FBXO25: variants seen among roughly 807,000 people sequenced by gnomAD.
The protein encoded by FBXO25 is F-box protein 25, also known as F-box only protein 25.
FBXO25 carries 45 observed loss-of-function variants against 51.9 expected under a neutral mutation model. The ratio of observed to expected loss-of-function variants is 0.87; its 90% CI spans 0.68 to 1.11. The LOEUF (loss-of-function observed/expected upper bound fraction) is 1.11. Ranked by LOEUF, FBXO25 falls within the 50% of genes most tolerant of loss-of-function variation. The probability of loss-of-function intolerance (pLI) is 0.00; values close to 1 mark genes in which losing one functional copy is unlikely to be tolerated. For synonymous variants in FBXO25, 199 were observed against 151.0 expected, an observed-to-expected ratio of 1.32 and a Z score of -2.33; for missense variants, 507 against 428.5, an observed-to-expected ratio of 1.18 and a Z score of -1.62.
intron 5 of FBXO25, among the ~76,000 whole-genome samples, chr8:436,161 CA>C (rs1331231137): frequency 2.0e-5 from 3 of 152,176 alleles, no homozygotes; most frequent in African/African-American, 7.2e-5. Flanking sequence ...TAGAATTCCA[CA>C]AAAGCCTTAT....
At chr8:467,639 G>C (rs1800260468) in intron 9 of FBXO25, 1 of 1,380,662 alleles carries the variant, frequency 7.2e-7, no homozygotes, top group Non-Finnish European at 1.0e-6. Context: ...GATACACTCT[G>C]GCTCTTTCTA....
At chr8:461,641 A>G (rs1281105732) in intron 8 of FBXO25, among the ~76,000 whole-genome samples, 1 of 151,960 alleles carries the variant, frequency 6.6e-6, no homozygotes, top group African/African-American at 2.4e-5. Flanking sequence ...CTCAGGAAAA[A>G]CAAAACAAAA....
intron 7 of FBXO25, among the ~76,000 whole-genome samples, chr8:453,681 G>A (rs1799237876): frequency 6.6e-6 from 1 of 152,138 alleles, no homozygotes; most frequent in South Asian, 2.1e-4. Flanking sequence ...TTAGAACAGA[G>A]CAGCTGAGAG....
chr8:468,724 C>A lies in FBXO25; in HGVS notation c.997C>A (p.His333Asn). 1 of 1,613,928 alleles carries A rather than the reference C, an allele frequency of 6.2e-7. No homozygotes were observed. Among genetic ancestry groups the A allele is most frequent in the Non-Finnish European group, 8.5e-7 (1 of 1,179,920 alleles). ...TCCCACCTCCCCACAGGACTCAGGA[C>A]ACCCCTGCACGGCGGCCGACCCTGA... ...CSILFWKDSGHPCTAADPDSC... is the reference protein window; with the variant it reads ...CSILFWKDSGNPCTAADPDSC... The change falls in exon 10 of 10, where the codon CAC becomes AAC. Residue 333 changes from histidine (H) to asparagine (N), a missense_variant. By Grantham distance (68) the His-to-Asn change is moderately conservative. Coordinates refer to ENST00000350302, the MANE Select transcript of FBXO25 (RefSeq NM_183420.2).
intron 1 of FBXO25, among the ~76,000 whole-genome samples, chr8:408,205 C>T (rs115348862): frequency 6.6e-6 from 1 of 152,006 alleles, no homozygotes; most frequent in Non-Finnish European, 1.5e-5. Context: ...AATAGGGAAA[C>T]ACATGTGGTC....
At chr8:467,085 G>GTACC (rs1446771427) in intron 9 of FBXO25, among the ~76,000 whole-genome samples, 6 of 152,172 alleles carry the variant, frequency 3.9e-5, no homozygotes, top group Non-Finnish European at 8.8e-5. Context: ...CCAAGATGAG[G>GTACC]TGTCCATGGT....
rs148904975 is a variant in FBXO25 at position 469,115 on chromosome 8, G to C, written c.*311G>C. The C allele has an allele frequency of 1.9e-5, 5 of 267,682 alleles. No homozygotes were observed. The highest frequency in any genetic ancestry group is 1.1e-3 in the Middle Eastern group (1 of 938). 16.6% of individuals were successfully genotyped at this position (267,682 alleles called of 1,614,324 possible). ...TTAGGTGGTCAGCTCCACATTCTTT[G>C]TTGACGTGACACTAACGGCCAATAA... On this transcript the variant is annotated 3_prime_UTR_variant, in exon 10 of 10. Coordinates refer to ENST00000350302, the MANE Select transcript of FBXO25 (RefSeq NM_183420.2).
At chr8:425,030 A>G (rs1436049358) in intron 2 of FBXO25, among the ~76,000 whole-genome samples, 1 of 152,202 alleles carries the variant, frequency 6.6e-6, no homozygotes, top group Non-Finnish European at 1.5e-5. Context: ...GTTGCCTGTA[A>G]TGATTTTTTA....
rs1458797886 is a variant in FBXO25, at chr8:467,647, C to T, written c.988-1068C>T. 3 of 1,484,586 alleles carry T rather than the reference C, an allele frequency of 2.0e-6. No individual in the cohort carries two copies. The East Asian group carries it at 6.8e-5, about 34-fold the overall frequency. 92.0% of individuals were successfully genotyped at this position (1,484,586 alleles called of 1,614,324 possible). A position where few individuals can be genotyped will look rare whatever the true frequency, so the allele number is the denominator to read the frequency against. On this transcript the variant is annotated intron_variant, in intron 9 of 9. Transcript: ENST00000350302. ...ATGCTTAGATACACTCTGGCTCTTTCTAATCTTAACTTTTCCTTTTTTTCC... is the reference window on the plus strand; with the variant it reads ...ATGCTTAGATACACTCTGGCTCTTTTTAATCTTAACTTTTCCTTTTTTTCC...
At chr8:447,740 A>G (rs1331938096) in intron 5 of FBXO25, among the ~76,000 whole-genome samples, 2 of 152,234 alleles carry the variant, frequency 1.3e-5, no homozygotes, top group African/African-American at 2.4e-5. Flanking sequence ...AGGTAATTTT[A>G]TACAGTATTT....
intron 2 of FBXO25, among the ~76,000 whole-genome samples, chr8:414,293 T>C (rs1315875369): frequency 2.0e-5 from 3 of 152,250 alleles, no homozygotes; most frequent in Non-Finnish European, 2.9e-5. Flanking sequence ...CATAATGTTA[T>C]ACAGTTATGA....
chr8:446,527 C>T (rs995275513), intron 5 of FBXO25, among the ~76,000 whole-genome samples: 2 of 152,088 alleles, frequency 1.3e-5, no homozygotes, highest in Admixed American at 6.5e-5. Context: ...CTATTATTAG[C>T]GATAATGCTG....
rs145775965 is a variant in FBXO25, at chr8:451,350, G to A, written c.557G>A (p.Gly186Glu). 1.2e-6 allele frequency: 2 copies of A among 1,613,854 alleles called. No individual in the cohort carries two copies. Among genetic ancestry groups the A allele is most frequent in the African/African-American group, 2.7e-5 (2 of 74,912 alleles). ...LSSTLCILIR[G>E]VGKSVLVGNI... ...TCTACCCTCTGCATTCTTATTAGAG[G>A]AGTAGGGAAGTCTGTATTAGTGGGA... Residue 186 changes from glycine (G) to glutamate (E), a missense_variant, in exon 7 of 10, where the codon GGA becomes GAA. Physicochemically the swap from Gly to Glu is moderately conservative, Grantham distance 98. Coordinates refer to ENST00000350302, the MANE Select transcript of FBXO25 (RefSeq NM_183420.2).
rs955633213 is a variant in FBXO25, at chr8:476,689, G to A, written c.*7885G>A. On this transcript the variant is annotated 3_prime_UTR_variant, in exon 10 of 10. Transcript: ENST00000350302. ...CCTTTTTATTTCTGTAAAATCAGTT[G>A]TAATGTCTCCTCCTGGTTTTTAGTT... is the stretch of plus-strand genomic sequence containing the variant. 6 of 152,156 alleles carry A rather than the reference G, an allele frequency of 3.9e-5. No homozygotes were observed. The highest frequency in any genetic ancestry group is 3.4e-3 in the Middle Eastern group (1 of 294). The allele number at this position is 152,156 out of a possible 1,614,324, so 9.4% of individuals were successfully genotyped here. A position where few individuals can be genotyped will look rare whatever the true frequency, so the allele number is the denominator to read the frequency against.
intron 5 of FBXO25, among the ~76,000 whole-genome samples, chr8:441,704 G>T (rs951170844): frequency 5.3e-5 from 8 of 152,146 alleles, no homozygotes; most frequent in African/African-American, 1.9e-4. Context: ...GTGGGTAAAG[G>T]ATATGAACAG....
intron 4 of FBXO25, among the ~76,000 whole-genome samples, chr8:434,038 A>G (rs1162186196): frequency 6.6e-6 from 1 of 152,166 alleles, no homozygotes; most frequent in Non-Finnish European, 1.5e-5. Flanking sequence ...CATCCAAGCT[A>G]GCATATGCAG....
At chr8:428,815 C>CT (rs1439713004) in intron 2 of FBXO25, among the ~76,000 whole-genome samples, 1 of 152,174 alleles carries the variant, frequency 6.6e-6, no homozygotes, top group Non-Finnish European at 1.5e-5. Context: ...TTGTGACTGT[C>CT]TTATCTCAGC....
intron 5 of FBXO25, among the ~76,000 whole-genome samples, chr8:447,385 G>C (rs1798805943): frequency 1.3e-5 from 2 of 152,170 alleles, no homozygotes; most frequent in Non-Finnish European, 2.9e-5. Flanking sequence ...ATGCCTGTTA[G>C]AGAAGGTGAC....
rs2116883662 is a variant in FBXO25 at position 471,593 on chromosome 8, A to C, written c.*2789A>C. 6.6e-6 allele frequency: 1 copy of C among 152,308 alleles called. No individual in the cohort carries two copies. The highest frequency in any genetic ancestry group is 2.1e-4 in the South Asian group (1 of 4,824). The allele number at this position is 152,308 out of a possible 1,614,324, so 9.4% of individuals were successfully genotyped here. ...GTGAAAGGCAATGCCAGACACTCTC[A>C]AGATAGAATCTCCAGTCATTCTCGG... is the stretch of plus-strand genomic sequence containing the variant. On this transcript the variant is annotated 3_prime_UTR_variant, in exon 10 of 10. Coordinates refer to ENST00000350302, the MANE Select transcript of FBXO25 (RefSeq NM_183420.2).
Sources: allele counts gnomAD v4.1 joint callset (sites outside exome capture counted in the v4.1 genomes callset), GRCh38; gene constraint gnomAD v4.1.1; transcripts MANE v1.5; gene names NCBI Gene and HGNC (gene_info 2026-07-23, HGNC 2026-07-21).